ACVR1: variants seen among roughly 807,000 people sequenced by gnomAD.
The protein encoded by ACVR1 is activin A receptor type 1.
Under a neutral mutation model 57.1 loss-of-function variants are expected in ACVR1, and 38 were observed. That is an observed-to-expected ratio of 0.67 (90% CI 0.51 to 0.87). ACVR1 has a LOEUF of 0.87. Ranked by LOEUF, ACVR1 falls within the 40% of genes least tolerant of loss-of-function variation. ACVR1 has a pLI of 0.00. For synonymous variants in ACVR1, 212 were observed against 228.1 expected (o/e 0.93, Z 0.63); for missense variants, 463 against 638.2 (o/e 0.73, Z 2.96).
chr2:157,864,618 T>C (rs570650221), intron 1 of ACVR1, among the ~76,000 whole-genome samples: 2 of 152,330 alleles, frequency 1.3e-5, no homozygotes, highest in Admixed American at 6.5e-5. Context: ...ATCATCTTTT[T>C]AAGCAATACT....
intron 1 of ACVR1, among the ~76,000 whole-genome samples, chr2:157,837,009 T>C (rs1238393389): frequency 2.0e-5 from 3 of 152,218 alleles, no homozygotes; most frequent in African/African-American, 7.2e-5. Flanking sequence ...CTTGAGTAAA[T>C]GAGCTCCTTA....
intron 1 of ACVR1, among the ~76,000 whole-genome samples, chr2:157,849,747 G>A (rs142644896): frequency 2.0e-5 from 3 of 152,224 alleles, no homozygotes; most frequent in Admixed American, 6.5e-5. Flanking sequence ...GAACATACAC[G>A]GATAACCTGG....
chr2:157,822,747 A>G (rs1373159390), intron 1 of ACVR1, among the ~76,000 whole-genome samples: 1 of 152,228 alleles, frequency 6.6e-6, no homozygotes, highest in Non-Finnish European at 1.5e-5. Flanking sequence ...CATTTTAAGT[A>G]TAGTCTATGA....
chr2:157,854,275 T>C (rs1028391132), intron 1 of ACVR1, among the ~76,000 whole-genome samples: 7 of 151,636 alleles, frequency 4.6e-5, no homozygotes, highest in African/African-American at 1.7e-4. Flanking sequence ...TATTTCTAGC[T>C]AGTTATCTCT....
chr2:157,827,495 G>A (rs752509435), intron 1 of ACVR1, among the ~76,000 whole-genome samples: 7 of 152,130 alleles, frequency 4.6e-5, no homozygotes, highest in Non-Finnish European at 8.8e-5. Flanking sequence ...GTGTTTGCCA[G>A]TCCTGTAATG....
chr2:157,762,638 A>G (rs987690072), intron 8 of ACVR1, among the ~76,000 whole-genome samples: 1 of 152,258 alleles, frequency 6.6e-6, no homozygotes, highest in African/African-American at 2.4e-5. Flanking sequence ...CAGGTGAGGC[A>G]TAATTCCCCA....
rs573356588 is a variant in ACVR1 at position 157,820,025 on chromosome 2, T to C, written c.-182-1466A>G. On this transcript the variant is annotated intron_variant, in intron 1 of 10. Transcript: ENST00000434821. Reference sequence around the variant, plus strand: ...CCCAAATGCAGCATTCTGCAATAATTATGGGGAAAAATCTTCCCATCCACC... The same window carrying C: ...CCCAAATGCAGCATTCTGCAATAATCATGGGGAAAAATCTTCCCATCCACC... Among the ~76,000 whole-genome samples the C allele has an allele frequency of 8.5e-5, 13 of 152,294 alleles. No individual in the cohort carries two copies. In the East Asian group the frequency reaches 2.3e-3, roughly 27 times the overall value.
At chr2:157,868,982 G>A (rs1469245948) in intron 1 of ACVR1, among the ~76,000 whole-genome samples, 1 of 152,122 alleles carries the variant, frequency 6.6e-6, no homozygotes, top group Non-Finnish European at 1.5e-5. Context: ...CTAACCACAT[G>A]CTTTCATTTT....
intron 7 of ACVR1, among the ~76,000 whole-genome samples, chr2:157,767,426 T>C (rs534165723): frequency 2.0e-5 from 3 of 152,268 alleles, no homozygotes; most frequent in African/African-American, 7.2e-5. Flanking sequence ...ATGAAATAAA[T>C]TGTGACGTGT....
At chr2:157,860,771 A>T (rs1689690894) in intron 1 of ACVR1, among the ~76,000 whole-genome samples, 1 of 152,066 alleles carries the variant, frequency 6.6e-6, no homozygotes, top group Admixed American at 6.6e-5. Context: ...AAAAAAATCC[A>T]ATCTCCTTTG....
chr2:157,775,070 C>T (rs887501737), intron 5 of ACVR1, among the ~76,000 whole-genome samples: 2 of 152,154 alleles, frequency 1.3e-5, no homozygotes, highest in African/African-American at 4.8e-5. Flanking sequence ...GAAAAGACTC[C>T]AATGACCATG....
chr2:157,762,846 G>A (rs910353076), intron 8 of ACVR1, among the ~76,000 whole-genome samples: 7 of 152,108 alleles, frequency 4.6e-5, no homozygotes, highest in South Asian at 2.1e-4. Context: ...GAGACCTGCC[G>A]CCAATCATGG....
chr2:157,797,557 T>C (rs959666094), intron 3 of ACVR1, among the ~76,000 whole-genome samples: 3 of 152,182 alleles, frequency 2.0e-5, no homozygotes, highest in Non-Finnish European at 4.4e-5. Context: ...TATAACAACA[T>C]GTTAAAAGCA....
chr2:157,778,338 T>C lies in ACVR1; in HGVS notation c.336A>G (p.Lys112=). ...GGAAATTCTGTGTTCCAGGGAAGGA[T>C]TTTCCTGGAGTTGGAGGGAAAAGGG... is the stretch of plus-strand genomic sequence containing the variant. ...NITAQLPTKG[K]SFPGTQNFHL... is the part of the protein sequence containing the mutation. The change falls in exon 5 of 11, where the codon AAA becomes AAG. Residue 112 remains lysine (K), a synonymous_variant. Coordinates refer to ENST00000434821, the MANE Select transcript of ACVR1 (RefSeq NM_001111067.4). 6.2e-7 allele frequency: 1 copy of C among 1,613,252 alleles called. No individual in the cohort carries two copies. The highest frequency in any genetic ancestry group is 8.5e-7 in the Non-Finnish European group (1 of 1,179,486).
At position 157,737,266 on chromosome 2, in the gene ACVR1, C is replaced by T. The variant is rs1327470534; in HGVS notation, c.*265G>A. 1.8e-6 allele frequency: 1 copy of T among 540,746 alleles called. No individual in the cohort carries two copies. The highest frequency in any genetic ancestry group is 3.3e-6 in the Non-Finnish European group (1 of 299,550). 33.5% of individuals were successfully genotyped at this position (540,746 alleles called of 1,614,324 possible). On this transcript the variant is annotated 3_prime_UTR_variant, in exon 11 of 11. Coordinates refer to ENST00000434821, the MANE Select transcript of ACVR1 (RefSeq NM_001111067.4). The stretch of plus-strand genomic sequence containing the variant: ...AGGATTTCTCTGTGTTCCTCCAGTC[C>T]CTACCTTTGCAACAGTGTCTGTCCA...
intron 1 of ACVR1, among the ~76,000 whole-genome samples, chr2:157,870,645 C>G (rs1036614582): frequency 2.6e-5 from 4 of 152,022 alleles, no homozygotes; most frequent in Non-Finnish European, 5.9e-5. Context: ...TGTCTGGGTC[C>G]TAACTATAAA....
chr2:157,776,983 T>C (rs774679737), intron 5 of ACVR1, among the ~76,000 whole-genome samples: 1 of 152,236 alleles, frequency 6.6e-6, no homozygotes, highest in Admixed American at 6.5e-5. Context: ...GGTATTGGCA[T>C]GTCTCTTGCA....
chr2:157,801,291 A>G (rs781092742), intron 2 of ACVR1, among the ~76,000 whole-genome samples: 19 of 152,272 alleles, frequency 1.2e-4, no homozygotes, highest in Non-Finnish European at 2.4e-4. Context: ...GAGTACAACC[A>G]TGTACTTGTA....
At chr2:157,778,410 A>G (rs1489468735) in intron 4 of ACVR1, 68 bp from the exon 5 acceptor site, 12 of 1,307,212 alleles carry the variant, frequency 9.2e-6, no homozygotes, top group East Asian at 2.4e-5. Flanking sequence ...AGCATAACCA[A>G]TATCCTAACA....
Sources: gnomAD v4.1 joint callset for allele counts (sites outside exome capture counted in the v4.1 genomes callset) on GRCh38, gnomAD v4.1.1 for gene constraint, MANE v1.5 for transcripts, NCBI Gene and HGNC (gene_info 2026-07-23, HGNC 2026-07-21) for gene names.